Variants in DCC observed in about 807,000 individuals in gnomAD.
DCC encodes DCC netrin 1 receptor.
Under a neutral mutation model 172.5 loss-of-function variants are expected in DCC, and 58 were observed. The observed-to-expected ratio is 0.34, with a 90% CI of 0.27 to 0.42. The LOEUF (loss-of-function observed/expected upper bound fraction) is 0.42. DCC is among the 10% of genes least tolerant of loss of function. The probability of loss-of-function intolerance (pLI) is 1.00; values close to 1 mark genes in which losing one functional copy is unlikely to be tolerated. For missense variants in DCC, 1,740 were observed against 1,791.0 expected (o/e 0.97, Z 0.51); for synonymous variants, 709 against 644.5 (o/e 1.10, Z -1.52).
At chr18:52,359,517 C>G (rs1009726016) in intron 1 of DCC, among the ~76,000 whole-genome samples, 9 of 152,138 alleles carry the variant, frequency 5.9e-5, no homozygotes, top group Non-Finnish European at 1.3e-4. Context: ...AGTAAGCTTA[C>G]TCTCCTGTCC....
Position 52,925,362 on chromosome 18 carries a change from C to A in DCC, c.977C>A (p.Thr326Lys), listed in dbSNP as rs1339358005. 1.9e-6 allele frequency: 3 copies of A among 1,612,170 alleles called. No homozygotes were observed. The highest frequency in any genetic ancestry group is 2.5e-6 in the Non-Finnish European group (3 of 1,178,570). Reference sequence around the variant, plus strand: ...AATATTAGTGCCTCTGCAGAGCTCACAGTCTTGGGTAAGTTAGTGGCTGGA... The same window carrying A: ...AATATTAGTGCCTCTGCAGAGCTCAAAGTCTTGGGTAAGTTAGTGGCTGGA... ...NENISASAEL[T>K]VLVPPWFLNH... Residue 326 changes from threonine to lysine, a missense_variant, in exon 5 of 29, where the codon ACA becomes AAA. This residue lies in a region of DCC where 1,732 missense variants were observed against 1,767.4 expected (regional missense o/e 0.98). Transcript: ENST00000442544.
chr18:52,638,389 T>C (rs142738973), intron 1 of DCC, among the ~76,000 whole-genome samples: 172 of 152,282 alleles, frequency 1.1e-3, no homozygotes, highest in African/African-American at 3.9e-3. Flanking sequence ...ACTTAAAAGA[T>C]ACAGAACCAC....
chr18:53,470,534 G>C (rs1284524976), intron 25 of DCC, among the ~76,000 whole-genome samples: 1 of 152,052 alleles, frequency 6.6e-6, no homozygotes, highest in Non-Finnish European at 1.5e-5. Context: ...CACTCTTTGT[G>C]GTACCAATTT....
chr18:52,351,378 C>T (rs1984114356), intron 1 of DCC, among the ~76,000 whole-genome samples: 1 of 152,132 alleles, frequency 6.6e-6, no homozygotes, highest in Admixed American at 6.6e-5. Flanking sequence ...CTTTCCTAAT[C>T]TCAGTACAAT....
At position 53,468,008 on chromosome 18, in the gene DCC, C is replaced by T; in HGVS notation, c.3734C>T (p.Pro1245Leu). 6.7e-7 allele frequency: 1 copy of T among 1,493,232 alleles called. No homozygotes were observed. The highest frequency in any genetic ancestry group is 9.3e-7 in the Non-Finnish European group (1 of 1,069,842). 92.5% of individuals were successfully genotyped at this position (1,493,232 alleles called of 1,614,324 possible). ...CCCATGGATGCCCAGTCCAACAATCCTGGTGAGTCAATATTGGTGCCACAA... is the reference window on the plus strand; with the variant it reads ...CCCATGGATGCCCAGTCCAACAATCTTGGTGAGTCAATATTGGTGCCACAA... ...MIPMDAQSNNPAVVSAIPVPT... is the reference protein window; with the variant it reads ...MIPMDAQSNNLAVVSAIPVPT... Residue 1245 changes from proline to leucine, a missense_variant and splice_region_variant, in exon 25 of 29, where the codon CCT becomes CTT. Physicochemically the swap from Pro to Leu is moderately conservative, Grantham distance 98. Transcript: ENST00000442544.
intron 7 of DCC, among the ~76,000 whole-genome samples, chr18:53,138,755 C>G (rs2043785231): frequency 6.6e-6 from 1 of 152,152 alleles, no homozygotes; most frequent in Non-Finnish European, 1.5e-5. Context: ...ACAATATACC[C>G]TTGGGTTTAC....
At chr18:52,600,313 GCATGTA>G (rs1202192196) in intron 1 of DCC, among the ~76,000 whole-genome samples, 3 of 152,158 alleles carry the variant, frequency 2.0e-5, no homozygotes, top group Non-Finnish European at 4.4e-5. Context: ...TGGAAAATCT[GCATGTA>G]CATGTGAACC....
intron 1 of DCC, among the ~76,000 whole-genome samples, chr18:52,728,707 G>A (rs1275594451): frequency 1.3e-5 from 2 of 152,192 alleles, no homozygotes; most frequent in Non-Finnish European, 2.9e-5. Flanking sequence ...ATGAGCAATT[G>A]CAGGAATGCA....
intron 14 of DCC, among the ~76,000 whole-genome samples, chr18:53,335,902 T>C (rs1004978110): frequency 5.9e-5 from 9 of 152,116 alleles, no homozygotes; most frequent in African/African-American, 2.2e-4. Flanking sequence ...AAGTCCCCTT[T>C]ATAAAACCAT....
intron 3 of DCC, among the ~76,000 whole-genome samples, chr18:52,918,612 C>A (rs2040074451): frequency 6.6e-6 from 1 of 152,020 alleles, no homozygotes; most frequent in Non-Finnish European, 1.5e-5. Flanking sequence ...ACGCAAGAAT[C>A]CAAAGATGAA....
chr18:52,674,077 C>T (rs2035604990), intron 1 of DCC, among the ~76,000 whole-genome samples: 1 of 152,116 alleles, frequency 6.6e-6, no homozygotes, highest in Admixed American at 6.5e-5. Context: ...TATATTATAC[C>T]ATTGACCAAA....
intron 1 of DCC, among the ~76,000 whole-genome samples, chr18:52,735,970 T>G (rs1219797320): frequency 6.6e-6 from 1 of 152,176 alleles, no homozygotes; most frequent in Non-Finnish European, 1.5e-5. Flanking sequence ...CTATATCAAA[T>G]ATTTCAATTA....
At position 53,535,578 on chromosome 18, in the gene DCC, A is replaced by G. The variant is rs1181451951; in HGVS notation, c.*4925A>G. ...CTTTAACTAGCCTTAGTGAGAAAAG[A>G]AATTTTTTGTTGTTACAAAACACCT... On this transcript the variant is annotated 3_prime_UTR_variant, in exon 29 of 29. Transcript: ENST00000442544. 2 of 152,256 alleles carry G rather than the reference A, an allele frequency of 1.3e-5. No individual in the cohort carries two copies. The highest frequency in any genetic ancestry group is 4.8e-5 in the African/African-American group (2 of 41,466). The allele number at this position is 152,256 out of a possible 1,614,324, so 9.4% of individuals were successfully genotyped here.
At chr18:52,793,096 A>G (rs1392915220) in intron 2 of DCC, among the ~76,000 whole-genome samples, 1 of 152,202 alleles carries the variant, frequency 6.6e-6, no homozygotes, top group Non-Finnish European at 1.5e-5. Flanking sequence ...GGCAGGTTGG[A>G]GAAGGTGGTG....
chr18:52,564,067 G>A (rs2033100744), intron 1 of DCC, among the ~76,000 whole-genome samples: 1 of 152,072 alleles, frequency 6.6e-6, no homozygotes, highest in Non-Finnish European at 1.5e-5. Flanking sequence ...TTCAAATTAT[G>A]GCACTCTTCT....
chr18:52,371,729 G>A (rs139990956), intron 1 of DCC, among the ~76,000 whole-genome samples: 213 of 152,234 alleles, frequency 1.4e-3, no homozygotes, highest in African/African-American at 3.9e-3. Context: ...ATGACTCTTC[G>A]AATGAATCTA....
intron 23 of DCC, 130 bp downstream of exon 23, chr18:53,450,792 C>G (rs148542192): frequency 1.3e-6 from 1 of 790,048 alleles, no homozygotes; most frequent in Non-Finnish European, 2.1e-6. Flanking sequence ...CAAAACCTTG[C>G]GTTTTGTCTA....
intron 1 of DCC, among the ~76,000 whole-genome samples, chr18:52,728,864 T>C (rs549613082): frequency 6.6e-6 from 1 of 152,252 alleles, no homozygotes; most frequent in Non-Finnish European, 1.5e-5. Flanking sequence ...ATTCGACAGC[T>C]GTCAAAAGGG....
At chr18:52,678,474 G>A (rs373727496) in intron 1 of DCC, among the ~76,000 whole-genome samples, 3 of 152,068 alleles carry the variant, frequency 2.0e-5, no homozygotes, top group African/African-American at 7.2e-5. Context: ...AAATTTTGAA[G>A]AAAATAAAGC....
Sources: allele counts gnomAD v4.1 joint callset (sites outside exome capture counted in the v4.1 genomes callset), GRCh38; gene constraint gnomAD v4.1.1; regional missense constraint gnomAD v4.1.1; transcripts MANE v1.5; gene names NCBI Gene and HGNC (gene_info 2026-07-23, HGNC 2026-07-21).